The following NEDD4L variants were observed in gnomAD, a reference collection of about 807,000 sequenced individuals.
NEDD4L encodes the protein NEDD4 like E3 ubiquitin protein ligase, also known as E3 ubiquitin-protein ligase NEDD4-like.
A neutral mutation model predicts 148.9 loss-of-function variants in NEDD4L; 54 were observed. The ratio of observed to expected loss-of-function variants is 0.36; its 90% CI spans 0.29 to 0.45. The LOEUF (loss-of-function observed/expected upper bound fraction) is 0.45. Ranked by LOEUF, NEDD4L falls within the 20% of genes least tolerant of loss-of-function variation. The pLI, the probability that NEDD4L is intolerant of heterozygous loss-of-function variation, is 1.00. For missense variants in NEDD4L, 856 were observed against 1,233.8 expected (o/e 0.69, Z 4.59); for synonymous variants, 433 against 440.7 (o/e 0.98, Z 0.22).
At position 58,081,867 on chromosome 18, in the gene NEDD4L, T is replaced by A. The variant is rs375230475; in HGVS notation, c.48+37159T>A. On this transcript the variant is annotated intron_variant, in intron 1 of 30. Transcript: ENST00000400345. ...AAATGCGTTTTGCATAGAATTGAAA[T>A]TGCCTATTTACCTCAATGACACCAT... is the stretch of plus-strand genomic sequence containing the variant. Among the ~76,000 whole-genome samples, 167 of 152,094 alleles carry A rather than the reference T, an allele frequency of 1.1e-3. 1 individual carries two copies. The highest frequency in any genetic ancestry group is 3.9e-3 in the African/African-American group (160 of 41,482).
chr18:58,055,275 A>T (rs899563665), intron 1 of NEDD4L, among the ~76,000 whole-genome samples: 1 of 152,196 alleles, frequency 6.6e-6, no homozygotes, highest in African/African-American at 2.4e-5. Context: ...TGGGCAACAT[A>T]GTGAGACTCT....
chr18:58,129,602 C>T (rs1272265018), intron 1 of NEDD4L, among the ~76,000 whole-genome samples: 1 of 152,238 alleles, frequency 6.6e-6, no homozygotes, highest in Non-Finnish European at 1.5e-5. Flanking sequence ...TTTCATTAAG[C>T]TGTGTGTTCT....
intron 5 of NEDD4L, among the ~76,000 whole-genome samples, chr18:58,311,464 G>GC (rs1350672613): frequency 2.0e-5 from 3 of 152,198 alleles, no homozygotes; most frequent in Non-Finnish European, 4.4e-5. Flanking sequence ...TGGGCTCCCA[G>GC]CTGGGGGTCT....
At chr18:58,250,182 ACT>A (rs74183241) in intron 4 of NEDD4L, among the ~76,000 whole-genome samples, 15,561 of 151,758 alleles carry the variant, frequency 0.1, 867 homozygotes, top group East Asian at 0.19. Context: ...ATGGAGTCTC[ACT>A]CTGTCACCAG....
chr18:58,130,346 G>A (rs74743026), intron 1 of NEDD4L, among the ~76,000 whole-genome samples: 2 of 141,400 alleles, frequency 1.4e-5, no homozygotes, highest in Admixed American at 7.3e-5. Flanking sequence ...CTCTGTTGGG[G>A]TTTGGTTGAC....
chr18:58,195,216 G>A (rs2040523606), intron 2 of NEDD4L, among the ~76,000 whole-genome samples: 1 of 152,206 alleles, frequency 6.6e-6, no homozygotes, highest in Non-Finnish European at 1.5e-5. Context: ...GGGTCACCTG[G>A]GCCAAGCCAG....
At chr18:58,349,253 A>C (rs1227097343) in intron 16 of NEDD4L, among the ~76,000 whole-genome samples, 3 of 151,628 alleles carry the variant, frequency 2.0e-5, no homozygotes, top group Non-Finnish European at 4.4e-5. Context: ...CACTGCTGGG[A>C]CTCTCTTCCC....
chr18:58,123,147 T>C (rs1276695996), intron 1 of NEDD4L, among the ~76,000 whole-genome samples: 1 of 152,168 alleles, frequency 6.6e-6, no homozygotes, highest in Non-Finnish European at 1.5e-5. Context: ...ACCTTCTCTT[T>C]CTAATGGAAG....
At chr18:58,354,154 A>G (rs892389468) in intron 18 of NEDD4L, among the ~76,000 whole-genome samples, 2 of 152,212 alleles carry the variant, frequency 1.3e-5, no homozygotes, top group African/African-American at 4.8e-5. Context: ...GGTTAAAGGA[A>G]GGTCTTAAAC....
At chr18:58,146,488 C>T (rs184570666) in intron 1 of NEDD4L, among the ~76,000 whole-genome samples, 2 of 152,204 alleles carry the variant, frequency 1.3e-5, no homozygotes, top group African/African-American at 4.8e-5. Flanking sequence ...GGGTGTCCAG[C>T]GACCAGCCAA....
chr18:58,195,699 C>G (rs1288139203), intron 2 of NEDD4L: 2 of 1,352,090 alleles, frequency 1.5e-6, no homozygotes, highest in Admixed American at 1.9e-5. Context: ...CTCTCCGCTC[C>G]CCACTTCAGA....
rs768863821 is a variant in NEDD4L at position 58,044,670 on chromosome 18, G to T, written c.10G>T (p.Gly4Trp). ...GCGGGGCGCCGGCTCCATGGCGACC[G>T]GGCTCGGGGAGCCGGTCTATGGACT... Reference protein sequence around the residue: MATGLGEPVYGLSE... With the variant: MATWLGEPVYGLSE... Residue 4 changes from glycine (G) to tryptophan (W), a missense_variant, in exon 1 of 31, where the codon GGG becomes TGG. Gly to Trp is a radical substitution (Grantham distance 184). This residue lies in a region of NEDD4L where 193 missense variants were observed against 244.2 expected (regional missense o/e 0.79). Coordinates refer to ENST00000400345, the MANE Select transcript of NEDD4L (RefSeq NM_001144967.3). 1.1e-5 allele frequency: 17 copies of T among 1,601,698 alleles called. No homozygotes were observed. Among genetic ancestry groups the T allele is most frequent in the Non-Finnish European group, 1.4e-5 (16 of 1,174,618 alleles).
At chr18:58,089,011 C>T (rs1047761482) in intron 1 of NEDD4L, among the ~76,000 whole-genome samples, 1 of 152,090 alleles carries the variant, frequency 6.6e-6, no homozygotes, top group Non-Finnish European at 1.5e-5. Context: ...CTACAGCTTC[C>T]AACCTGGTCG....
At position 58,064,201 on chromosome 18, in the gene NEDD4L, T is replaced by A. The variant is rs531039602; in HGVS notation, c.48+19493T>A. ...GGATGGTCTTGATCTCCTGACTTCG[T>A]GATCTGCCCGTCTCGGCTTCCCAAA... On this transcript the variant is annotated intron_variant, in intron 1 of 30. Transcript: ENST00000400345. Among the ~76,000 whole-genome samples the A allele has an allele frequency of 3.5e-4, 53 of 152,106 alleles. No homozygotes were observed. The South Asian group carries it at 7.7e-3, about 22-fold the overall frequency.
intron 2 of NEDD4L, among the ~76,000 whole-genome samples, chr18:58,231,127 T>C (rs2045142717): frequency 6.7e-6 from 1 of 150,154 alleles, no homozygotes; most frequent in South Asian, 2.1e-4. Flanking sequence ...AGCATGCCCA[T>C]AGTCCCAGCT....
intron 1 of NEDD4L, among the ~76,000 whole-genome samples, chr18:58,142,777 T>G (rs1265096837): frequency 6.6e-6 from 1 of 152,254 alleles, no homozygotes; most frequent in Non-Finnish European, 1.5e-5. Flanking sequence ...GTTTCCTATC[T>G]CCTGTGCTGT....
Position 58,324,951 on chromosome 18 carries a change from C to G in NEDD4L, c.514-45C>G. On this transcript the variant is annotated intron_variant, in intron 8 of 30. Transcript: ENST00000400345. Reference sequence around the variant, plus strand: ...TGCTGTGATGACCTCTTACTCACAGCCGAAGAACCAACCTCATAATCGTCC... The same window carrying G: ...TGCTGTGATGACCTCTTACTCACAGGCGAAGAACCAACCTCATAATCGTCC... 3 of 1,569,648 alleles carry G rather than the reference C, an allele frequency of 1.9e-6. No individual in the cohort carries two copies. The Admixed American group carries it at 5.1e-5, about 27-fold the overall frequency.
intron 5 of NEDD4L, among the ~76,000 whole-genome samples, chr18:58,309,015 G>A (rs146078283): frequency 1.3e-5 from 2 of 152,304 alleles, no homozygotes; most frequent in Admixed American, 6.5e-5. Flanking sequence ...CGCTGTCCTC[G>A]GCGCTCTCTC....
At position 58,359,015 on chromosome 18, in the gene NEDD4L, A is replaced by G. The variant is rs79162340; in HGVS notation, c.1767+1763A>G. The stretch of plus-strand genomic sequence containing the variant: ...AATGTTCTTTTTCTTTTTAAAAAGA[A>G]TGTGTATTGTGTCTTTGGTTGAATA... On this transcript the variant is annotated intron_variant, in intron 19 of 30. Transcript: ENST00000400345. Among the ~76,000 whole-genome samples, 41 of 152,260 alleles carry G rather than the reference A, an allele frequency of 2.7e-4. 1 individual carries two copies. In the East Asian group the frequency reaches 7.9e-3, roughly 29 times the overall value.
Sources: allele counts gnomAD v4.1 joint callset (sites outside exome capture counted in the v4.1 genomes callset), GRCh38; gene constraint gnomAD v4.1.1; regional missense constraint gnomAD v4.1.1; transcripts MANE v1.5; gene names NCBI Gene and HGNC (gene_info 2026-07-23, HGNC 2026-07-21).